ZNF804B: variants seen among roughly 807,000 people sequenced by gnomAD.
ZNF804B encodes the protein zinc finger 804B.
ZNF804B carries 80 observed loss-of-function variants against 101.4 expected under a neutral mutation model. The observed-to-expected ratio is 0.79, with a 90% CI of 0.66 to 0.95. The LOEUF (loss-of-function observed/expected upper bound fraction) is 0.95, where lower values mean the gene tolerates loss of function less well. Ranked by LOEUF, ZNF804B falls within the 40% of genes least tolerant of loss-of-function variation. The pLI is 0.00. For synonymous variants in ZNF804B, 622 were observed against 558.8 expected (o/e 1.11, Z -1.59); for missense variants, 1,673 against 1,561.9 (o/e 1.07, Z -1.20).
intron 1 of ZNF804B, among the ~76,000 whole-genome samples, chr7:89,021,894 A>T (rs1050883701): frequency 6.6e-6 from 1 of 152,068 alleles, no homozygotes; most frequent in African/African-American, 2.4e-5. Context: ...GGGAATGGGG[A>T]ATTCACACCT....
At chr7:88,885,668 T>C (rs1792115364) in intron 1 of ZNF804B, among the ~76,000 whole-genome samples, 2 of 150,892 alleles carry the variant, frequency 1.3e-5, no homozygotes, top group African/African-American at 4.9e-5. Flanking sequence ...TCTGCATCTT[T>C]CAGAAATTAG....
At chr7:89,290,107 C>A (rs150538909) in intron 2 of ZNF804B, among the ~76,000 whole-genome samples, 9 of 151,122 alleles carry the variant, frequency 6.0e-5, no homozygotes, top group African/African-American at 2.2e-4. Context: ...TAGACATACC[C>A]TAGGCCAGAA....
intron 1 of ZNF804B, among the ~76,000 whole-genome samples, chr7:89,086,704 T>C (rs1789807628): frequency 6.6e-6 from 1 of 151,940 alleles, no homozygotes; most frequent in Admixed American, 6.6e-5. Context: ...CAGCAGATGG[T>C]GGAATTACAG....
chr7:89,205,771 T>A (rs762159341), intron 1 of ZNF804B, among the ~76,000 whole-genome samples: 2 of 152,140 alleles, frequency 1.3e-5, no homozygotes, highest in Non-Finnish European at 2.9e-5. Context: ...TGTTGGTGGA[T>A]CTACTATTCT....
chr7:88,976,244 T>A (rs1286045251), intron 1 of ZNF804B, among the ~76,000 whole-genome samples: 1 of 151,640 alleles, frequency 6.6e-6, no homozygotes, highest in East Asian at 1.9e-4. Flanking sequence ...TTTTTTATGG[T>A]CCTATAACAA....
chr7:89,254,733 C>T (rs1276263293), intron 2 of ZNF804B, among the ~76,000 whole-genome samples: 1 of 151,708 alleles, frequency 6.6e-6, no homozygotes, highest in African/African-American at 2.4e-5. Flanking sequence ...GCAGCCTCCG[C>T]CTCCCAGGTT....
chr7:88,986,891 G>GTTGTT (rs371907791), intron 1 of ZNF804B, among the ~76,000 whole-genome samples: 70 of 152,134 alleles, frequency 4.6e-4, no homozygotes, highest in African/African-American at 7.5e-4. Flanking sequence ...GCCAAATAAA[G>GTTGTT]TTGTTTTGTT....
At chr7:89,306,951 T>A (rs562959680) in intron 2 of ZNF804B, among the ~76,000 whole-genome samples, 21 of 152,076 alleles carry the variant, frequency 1.4e-4, no homozygotes, top group African/African-American at 5.1e-4. Context: ...ATGAGGATGA[T>A]GATACATATA....
Position 89,336,818 on chromosome 7 carries a change from C to T in ZNF804B, c.3836C>T (p.Ser1279Phe). The change falls in exon 4 of 4, where the codon TCT (serine) becomes TTT (phenylalanine). Residue 1279 changes from serine to phenylalanine, a missense_variant. Ser to Phe is a radical substitution (Grantham distance 155). Coordinates refer to ENST00000333190, the MANE Select transcript of ZNF804B (RefSeq NM_181646.5). Reference sequence around the variant, plus strand: ...GTAGCTGCTACCCCCTTCCACCCATCTCACATAACACTTCAGCCTCTGCCC... The same window carrying T: ...GTAGCTGCTACCCCCTTCCACCCATTTCACATAACACTTCAGCCTCTGCCC... ...HLVAATPFHP[S>F]HITLQPLPPT... is the part of the protein sequence containing the mutation. 1.9e-6 allele frequency: 3 copies of T among 1,614,108 alleles called. No individual in the cohort carries two copies. The highest frequency in any genetic ancestry group is 2.5e-6 in the Non-Finnish European group (3 of 1,180,008).
intron 2 of ZNF804B, among the ~76,000 whole-genome samples, chr7:89,296,383 T>G (rs1384306376): frequency 6.6e-6 from 1 of 152,016 alleles, no homozygotes; most frequent in Non-Finnish European, 1.5e-5. Flanking sequence ...GCTTTCTGCT[T>G]GGCTATTAGT....
At chr7:88,813,512 T>C (rs1248453606) in intron 1 of ZNF804B, among the ~76,000 whole-genome samples, 1 of 152,154 alleles carries the variant, frequency 6.6e-6, no homozygotes, top group African/African-American at 2.4e-5. Context: ...TTTTCTTATG[T>C]AGACTAAGGT....
At chr7:89,015,758 C>T (rs1788542040) in intron 1 of ZNF804B, among the ~76,000 whole-genome samples, 1 of 152,088 alleles carries the variant, frequency 6.6e-6, no homozygotes, top group South Asian at 2.1e-4. Flanking sequence ...TGGGTTGGTT[C>T]CAAGTCTTTG....
At chr7:88,934,426 G>T (rs1792936230) in intron 1 of ZNF804B, among the ~76,000 whole-genome samples, 1 of 151,936 alleles carries the variant, frequency 6.6e-6, no homozygotes. Context: ...AAAACTTTCT[G>T]CACAGCAAAA....
At chr7:89,166,135 C>G (rs1791139927) in intron 1 of ZNF804B, among the ~76,000 whole-genome samples, 1 of 152,134 alleles carries the variant, frequency 6.6e-6, no homozygotes, top group South Asian at 2.1e-4. Flanking sequence ...TCAAGTTAGA[C>G]TGCTTAGTGT....
chr7:88,800,024 C>T (rs918659008), intron 1 of ZNF804B, among the ~76,000 whole-genome samples: 1 of 152,018 alleles, frequency 6.6e-6, no homozygotes, highest in Non-Finnish European at 1.5e-5. Context: ...TAAACTCTCA[C>T]CTGTGCTCAG....
intron 1 of ZNF804B, among the ~76,000 whole-genome samples, chr7:88,802,567 T>C (rs1325488634): frequency 6.6e-6 from 1 of 152,146 alleles, no homozygotes; most frequent in African/African-American, 2.4e-5. Context: ...TTAAGTGGAT[T>C]GGGACAAGAT....
chr7:89,029,717 A>G (rs1788802571), intron 1 of ZNF804B, among the ~76,000 whole-genome samples: 1 of 152,170 alleles, frequency 6.6e-6, no homozygotes, highest in Non-Finnish European at 1.5e-5. Context: ...TGATTACCAG[A>G]CTTAACATAA....
intron 1 of ZNF804B, among the ~76,000 whole-genome samples, chr7:88,852,244 C>T (rs1791458908): frequency 6.6e-6 from 1 of 152,006 alleles, no homozygotes; most frequent in Non-Finnish European, 1.5e-5. Context: ...GTATTTGATC[C>T]CTAGCTTCCA....
intron 2 of ZNF804B, among the ~76,000 whole-genome samples, chr7:89,270,918 T>C (rs148931270): frequency 0.045 from 6,836 of 152,294 alleles, 143 homozygotes; most frequent in South Asian, 0.072. Context: ...ATTGATTTTG[T>C]ATCCTGAGAC....
Sources: allele counts gnomAD v4.1 joint callset (sites outside exome capture counted in the v4.1 genomes callset), GRCh38; gene constraint gnomAD v4.1.1; transcripts MANE v1.5; gene names NCBI Gene and HGNC (gene_info 2026-07-23, HGNC 2026-07-21).